MID1: variants seen among roughly 807,000 people sequenced by gnomAD.
The protein encoded by MID1 is midline 1, also known as E3 ubiquitin-protein ligase Midline-1.
MID1 carries 7 observed loss-of-function variants against 40.4 expected under a neutral mutation model. The observed-to-expected ratio is 0.17, with a 90% CI of 0.10 to 0.33. The LOEUF (loss-of-function observed/expected upper bound fraction) is 0.33, where lower values mean the gene tolerates loss of function less well. Ranked by LOEUF, MID1 falls within the 10% of genes least tolerant of loss-of-function variation. The pLI is 1.00. For synonymous variants in MID1, 229 were observed against 221.2 expected, an observed-to-expected ratio of 1.04 and a Z score of -0.31; for missense variants, 367 against 558.5, an observed-to-expected ratio of 0.66 and a Z score of 3.46.
intron 1 of MID1, among the ~76,000 whole-genome samples, chrX:10,743,369 C>A (rs1198580848): frequency 8.9e-6 from 1 of 112,326 alleles, no homozygotes; most frequent in Non-Finnish European, 1.9e-5. Flanking sequence ...GAAACGGCGG[C>A]ATTAAAAATG....
At chrX:10,718,725 C>G (rs1463561599) in intron 1 of MID1, among the ~76,000 whole-genome samples, 2 of 111,670 alleles carry the variant, frequency 1.8e-5, no homozygotes, top group African/African-American at 6.5e-5. Context: ...GATACCAAAG[C>G]ATGGCAGAGA....
intron 1 of MID1, among the ~76,000 whole-genome samples, chrX:10,790,590 A>G (rs1437335831): frequency 1.8e-5 from 2 of 110,937 alleles, no homozygotes; most frequent in African/African-American, 6.6e-5. Flanking sequence ...CACTAGTACC[A>G]GGACTCCAGC....
chrX:10,810,696 C>CTGTGTGTGTG (rs370482398), intron 1 of MID1, among the ~76,000 whole-genome samples: 2,520 of 101,089 alleles, frequency 0.025, 96 homozygotes, highest in African/African-American at 0.086. Context: ...GTTGTTTTCT[C>CTGTGTGTGTG]TGTGTGTGTG....
intron 1 of MID1, among the ~76,000 whole-genome samples, chrX:10,751,452 C>G (rs890925219): frequency 2.0e-4 from 22 of 109,802 alleles, no homozygotes; most frequent in African/African-American, 6.6e-4. Flanking sequence ...CCAGCCTGGG[C>G]AACATGACAA....
At chrX:10,498,686 A>C (rs1181522674) in intron 3 of MID1, among the ~76,000 whole-genome samples, 3 of 112,136 alleles carry the variant, frequency 2.7e-5, no homozygotes, top group Non-Finnish European at 5.6e-5. Flanking sequence ...CCTGTTCTGG[A>C]CGTTTCATAT....
At chrX:10,764,563 A>AT (rs900228418) in intron 1 of MID1, among the ~76,000 whole-genome samples, 5 of 111,806 alleles carry the variant, frequency 4.5e-5, no homozygotes, top group Admixed American at 3.8e-4. Flanking sequence ...AAACCTTAGA[A>AT]TTTTTTTTAA....
intron 2 of MID1, among the ~76,000 whole-genome samples, chrX:10,532,061 TA>T (rs1932990686): frequency 8.9e-6 from 1 of 112,693 alleles, no homozygotes; most frequent in Non-Finnish European, 1.9e-5. Context: ...AAGCATTTTG[TA>T]AGACTATAAC....
chrX:10,702,463 A>G (rs2043198896), intron 1 of MID1, among the ~76,000 whole-genome samples: 1 of 112,649 alleles, frequency 8.9e-6, no homozygotes, highest in Non-Finnish European at 1.9e-5. Flanking sequence ...TACAAACTGA[A>G]GAAGATCTGT....
intron 1 of MID1, among the ~76,000 whole-genome samples, chrX:10,672,117 C>G (rs1407566999): frequency 2.7e-5 from 3 of 109,959 alleles, no homozygotes; most frequent in South Asian, 4.0e-4. Context: ...CCCAGCTACT[C>G]AGGAGGCTGA....
At chrX:10,564,996 A>G (rs921928018) in intron 2 of MID1, among the ~76,000 whole-genome samples, 2 of 35,717 alleles carry the variant, frequency 5.6e-5, no homozygotes, top group Non-Finnish European at 1.0e-4. Context: ...CCAACCAAAA[A>G]AGGGGTAAAA....
At position 10,711,471 on chromosome X, in the gene MID1, A is replaced by G. The variant is rs1269157885; in HGVS notation, c.-186-91052T>C. On this transcript the variant is annotated intron_variant, in intron 1 of 10. Coordinates refer to the MID1 transcript ENST00000380785. ...TAAAACACATTGAGGTGTATATGAC[A>G]TGAAACATGATTAAAACACTCCCAG... 2.7e-5 allele frequency among the ~76,000 whole-genome samples: 3 copies of G among 112,293 alleles called. No individual in the cohort carries two copies. The Admixed American group carries it at 2.8e-4, about 11-fold the overall frequency.
At chrX:10,631,277 A>AAAT (rs34095097) in intron 1 of MID1, among the ~76,000 whole-genome samples, 6,807 of 111,333 alleles carry the variant, frequency 0.061, 359 homozygotes, top group African/African-American at 0.18. Flanking sequence ...ATTTGTTTAA[A>AAAT]AATAATATTA....
chrX:10,486,316 C>T (rs1026943907), intron 4 of MID1, among the ~76,000 whole-genome samples: 2 of 112,161 alleles, frequency 1.8e-5, no homozygotes, highest in Non-Finnish European at 3.8e-5. Flanking sequence ...GTGATCTCCA[C>T]AATTCTGCCT....
In MID1 at chrX:10,451,510, C is replaced by T. The variant is rs532045892; in HGVS notation, c.1656-1794G>A. On this transcript the variant is annotated intron_variant, in intron 9 of 9. Coordinates refer to ENST00000317552, the MANE Select transcript of MID1 (RefSeq NM_000381.4). ...GGTCCTGTAAGCTTCTGGCTCCCTT[C>T]TGTGGCATGCATCGAGGGTCTCAAA... Among the ~76,000 whole-genome samples, 115 of 111,425 alleles carry T rather than the reference C, an allele frequency of 1.0e-3. 2 individuals carry two copies. In the South Asian group the frequency reaches 0.014, roughly 14 times the overall value.
chrX:10,676,346 C>T (rs1358228298), intron 1 of MID1, among the ~76,000 whole-genome samples: 1 of 111,983 alleles, frequency 8.9e-6, no homozygotes, highest in Non-Finnish European at 1.9e-5. Flanking sequence ...AGAAACAGCG[C>T]CGTCCTCATA....
chrX:10,591,733 T>C (rs1229274740), intron 1 of MID1, among the ~76,000 whole-genome samples: 1 of 105,095 alleles, frequency 9.5e-6, no homozygotes, highest in Non-Finnish European at 2.0e-5. Context: ...ATTCTTTGCA[T>C]GGGTGCTTCT....
At chrX:10,748,001 T>C (rs1452458606) in intron 1 of MID1, among the ~76,000 whole-genome samples, 1 of 111,331 alleles carries the variant, frequency 9.0e-6, no homozygotes, top group Non-Finnish European at 1.9e-5. Context: ...ATGTCAATTT[T>C]CAATCTTCTG....
intron 1 of MID1, among the ~76,000 whole-genome samples, chrX:10,804,418 T>A (rs1238624410): frequency 2.7e-5 from 3 of 111,822 alleles, no homozygotes; most frequent in African/African-American, 9.8e-5. Flanking sequence ...GTGTGAAGTT[T>A]TATGTTGATC....
At chrX:10,477,579 T>C (rs1048141270) in intron 5 of MID1, among the ~76,000 whole-genome samples, 21 of 112,485 alleles carry the variant, frequency 1.9e-4, no homozygotes, top group Non-Finnish European at 3.8e-5. Flanking sequence ...GCCATGTTTT[T>C]ATTTCCCAAA....
Sources: gnomAD v4.1 joint callset for allele counts (sites outside exome capture counted in the v4.1 genomes callset) on GRCh38, gnomAD v4.1.1 for gene constraint, MANE v1.5 for transcripts, NCBI Gene and HGNC (gene_info 2026-07-23, HGNC 2026-07-21) for gene names.